NRXN1: variants seen among roughly 807,000 people sequenced by gnomAD.
The protein encoded by NRXN1 is neurexin 1.
A neutral mutation model predicts 150.9 loss-of-function variants in NRXN1; 39 were observed. That is an observed-to-expected ratio of 0.26 (90% CI 0.20 to 0.34). NRXN1 has a LOEUF of 0.34. Among genes scored for constraint, NRXN1 ranks in the 10% least tolerant of loss-of-function variants. NRXN1 has a pLI of 1.00. For synonymous variants in NRXN1, 924 were observed against 757.0 expected, an observed-to-expected ratio of 1.22 and a Z score of -3.62; for missense variants, 1,815 against 1,949.9, an observed-to-expected ratio of 0.93 and a Z score of 1.30.
intron 2 of NRXN1, among the ~76,000 whole-genome samples, chr2:50,955,220 C>G (rs1692093484): frequency 6.6e-6 from 1 of 152,092 alleles, no homozygotes; most frequent in South Asian, 2.1e-4. Flanking sequence ...AATTATGTAC[C>G]AGAGATTCTG....
At position 50,292,156 on chromosome 2, in the gene NRXN1, A is replaced by T. The variant is rs578033575; in HGVS notation, c.3365-55186T>A. Among the ~76,000 whole-genome samples the T allele has an allele frequency of 5.9e-5, 9 of 152,300 alleles. No homozygotes were observed. In the South Asian group the frequency reaches 1.4e-3, roughly 25 times the overall value. Reference sequence around the variant, plus strand: ...CTTTTTGCATTGCTATTAGTAAAGGAGGTTTTTTACATTTTAAAACAGTTG... The same window carrying T: ...CTTTTTGCATTGCTATTAGTAAAGGTGGTTTTTTACATTTTAAAACAGTTG... On this transcript the variant is annotated intron_variant, in intron 17 of 22. Transcript: ENST00000401669.
chr2:50,094,218 C>G (rs1699932474), intron 18 of NRXN1, among the ~76,000 whole-genome samples: 1 of 152,170 alleles, frequency 6.6e-6, no homozygotes, highest in South Asian at 2.1e-4. Flanking sequence ...CTGTTTCCAT[C>G]TTACAAAATG....
chr2:50,872,399 G>T (rs1677916413), intron 5 of NRXN1, among the ~76,000 whole-genome samples: 2 of 151,730 alleles, frequency 1.3e-5, no homozygotes, highest in Non-Finnish European at 2.9e-5. Flanking sequence ...GTACTTGCAG[G>T]AGCTAGGTGA....
intron 17 of NRXN1, among the ~76,000 whole-genome samples, chr2:50,301,332 G>A (rs1051563868): frequency 7.9e-5 from 12 of 152,254 alleles, no homozygotes; most frequent in Non-Finnish European, 1.5e-4. Context: ...TGTGTCTACA[G>A]ACACAGAATT....
Position 50,727,215 on chromosome 2 carries a change from A to AT in NRXN1, c.833-103601dup, listed in dbSNP as rs577273119. Among the ~76,000 whole-genome samples the AT allele has an allele frequency of 3.3e-5, 5 of 152,206 alleles. No homozygotes were observed. The East Asian group carries it at 7.7e-4, about 24-fold the overall frequency. ...ATAATTCCTTATTGGATTATATTTA[A>AT]TTTTTTTTCCAAAAGCAAAACTGCT... On this transcript the variant is annotated intron_variant, in intron 5 of 22. Transcript: ENST00000401669.
intron 2 of NRXN1, chr2:51,026,298 A>C: frequency 1.0e-6 from 1 of 977,700 alleles, no homozygotes; most frequent in Non-Finnish European, 1.6e-6. Flanking sequence ...GCTTTGACCC[A>C]TAAGCTATCT....
At chr2:50,458,802 G>A (rs979772503) in intron 17 of NRXN1, among the ~76,000 whole-genome samples, 5 of 151,936 alleles carry the variant, frequency 3.3e-5, no homozygotes, top group African/African-American at 7.3e-5. Context: ...GGATGGTCTC[G>A]AACTCCTAAT....
intron 22 of NRXN1, among the ~76,000 whole-genome samples, chr2:49,935,149 T>G (rs923393436): frequency 6.6e-6 from 1 of 152,230 alleles, no homozygotes; most frequent in East Asian, 1.9e-4. Context: ...TTTAGATGCA[T>G]TGTCTCATTT....
At chr2:50,683,308 T>C (rs367824362) in intron 5 of NRXN1, among the ~76,000 whole-genome samples, 8 of 151,792 alleles carry the variant, frequency 5.3e-5, no homozygotes, top group African/African-American at 1.4e-4. Flanking sequence ...CAAGAAGCAA[T>C]TGCTCTCTTA....
chr2:50,032,856 C>T (rs1021219198), intron 21 of NRXN1, among the ~76,000 whole-genome samples: 3 of 151,884 alleles, frequency 2.0e-5, no homozygotes, highest in East Asian at 1.9e-4. Flanking sequence ...ATTGGACTTT[C>T]CAGGCTCCCA....
chr2:50,562,888 T>A (rs10205164), intron 8 of NRXN1, among the ~76,000 whole-genome samples: 62,020 of 151,608 alleles, frequency 0.41, 14,708 homozygotes, highest in African/African-American at 0.66. Flanking sequence ...TATAATATAT[T>A]CTAATGTGTG....
At chr2:50,294,249 C>T (rs2073295423) in intron 17 of NRXN1, among the ~76,000 whole-genome samples, 1 of 152,026 alleles carries the variant, frequency 6.6e-6, no homozygotes, top group Admixed American at 6.6e-5. Flanking sequence ...GCCTAAATTG[C>T]CAGGTAGTTA....
intron 5 of NRXN1, among the ~76,000 whole-genome samples, chr2:50,753,456 G>A (rs556495209): frequency 6.6e-5 from 10 of 151,884 alleles, no homozygotes; most frequent in Non-Finnish European, 1.0e-4. Context: ...AAATGGCATC[G>A]TCATGGCAGT....
intron 2 of NRXN1, among the ~76,000 whole-genome samples, chr2:51,005,300 A>T (rs1226239494): frequency 1.3e-5 from 2 of 151,994 alleles, no homozygotes; most frequent in Non-Finnish European, 2.9e-5. Flanking sequence ...TTTTGAATTG[A>T]CATATAATAA....
intron 18 of NRXN1, among the ~76,000 whole-genome samples, chr2:50,228,652 G>A (rs1435385424): frequency 6.6e-6 from 1 of 151,976 alleles, no homozygotes; most frequent in Non-Finnish European, 1.5e-5. Context: ...AGTATATGAA[G>A]ATACCCTTTT....
At chr2:50,748,195 G>C (rs537908924) in intron 5 of NRXN1, among the ~76,000 whole-genome samples, 2 of 152,260 alleles carry the variant, frequency 1.3e-5, no homozygotes, top group East Asian at 3.9e-4. Flanking sequence ...ATGTTTCTCT[G>C]ACTGCAAAGG....
At chr2:50,815,984 C>G (rs1424594468) in intron 5 of NRXN1, among the ~76,000 whole-genome samples, 3 of 152,146 alleles carry the variant, frequency 2.0e-5, no homozygotes, top group Non-Finnish European at 4.4e-5. Flanking sequence ...TGTTCTCCTT[C>G]ACCACACCTG....
At chr2:50,715,358 C>G (rs1269491315) in intron 5 of NRXN1, among the ~76,000 whole-genome samples, 2 of 152,126 alleles carry the variant, frequency 1.3e-5, no homozygotes, top group African/African-American at 4.8e-5. Flanking sequence ...ATTGGGGAAC[C>G]TTCCACTACT....
At chr2:49,981,982 A>G (rs1026532478) in intron 21 of NRXN1, among the ~76,000 whole-genome samples, 4 of 152,112 alleles carry the variant, frequency 2.6e-5, no homozygotes, top group African/African-American at 9.6e-5. Context: ...GTGAAAATCT[A>G]TATGTATAAC....
Sources: gnomAD v4.1 joint callset for allele counts (sites outside exome capture counted in the v4.1 genomes callset) on GRCh38, gnomAD v4.1.1 for gene constraint, MANE v1.5 for transcripts, NCBI Gene and HGNC (gene_info 2026-07-23, HGNC 2026-07-21) for gene names.